PBX1: variants seen among roughly 807,000 people sequenced by gnomAD.
The protein encoded by PBX1 is pre-B-cell leukemia transcription factor 1.
A neutral mutation model predicts 53.4 loss-of-function variants in PBX1; 6 were observed. The observed-to-expected ratio is 0.11, with a 90% CI of 0.06 to 0.22. PBX1 has a LOEUF of 0.22. Ranked by LOEUF, PBX1 falls within the 10% of genes least tolerant of loss-of-function variation. The pLI, the probability that PBX1 is intolerant of heterozygous loss-of-function variation, is 1.00. For synonymous variants in PBX1, 204 were observed against 212.3 expected (o/e 0.96, Z 0.34); for missense variants, 251 against 551.4 (o/e 0.46, Z 5.46).
At chr1:164,728,330 AAGAG>A (rs551533075) in intron 2 of PBX1, among the ~76,000 whole-genome samples, 3,314 of 149,390 alleles carry the variant, frequency 0.022, 91 homozygotes, top group African/African-American at 0.077. Context: ...AAAAAAAAAA[AAGAG>A]AGAGAGAGAG....
chr1:164,789,941 A>G (rs755422033), intron 2 of PBX1, among the ~76,000 whole-genome samples: 2 of 151,776 alleles, frequency 1.3e-5, no homozygotes, highest in East Asian at 1.9e-4. Flanking sequence ...TGAAACAACT[A>G]TATTTATTAA....
intron 2 of PBX1, among the ~76,000 whole-genome samples, chr1:164,713,878 C>T (rs1188933434): frequency 2.0e-5 from 3 of 152,184 alleles, no homozygotes; most frequent in South Asian, 2.1e-4. Flanking sequence ...AATGATATGT[C>T]GAAGCAGGAA....
At chr1:164,680,670 T>C (rs536259000) in intron 2 of PBX1, 1 of 152,362 alleles carries the variant, frequency 6.6e-6, no homozygotes, top group Non-Finnish European at 1.5e-5. Context: ...AGCTAGGCTA[T>C]TGTATACATC....
intron 2 of PBX1, among the ~76,000 whole-genome samples, chr1:164,737,823 C>G (rs116335885): frequency 0.011 from 1,721 of 152,198 alleles, 31 homozygotes; most frequent in African/African-American, 0.038. Flanking sequence ...GTCACAATCC[C>G]AATAAAGACA....
chr1:164,744,663 C>T (rs183130033), intron 2 of PBX1, among the ~76,000 whole-genome samples: 1 of 152,286 alleles, frequency 6.6e-6, no homozygotes. Flanking sequence ...TAATTTCTCC[C>T]CACTTTCCCA....
intron 2 of PBX1, among the ~76,000 whole-genome samples, chr1:164,686,654 C>T (rs1662114688): frequency 6.6e-6 from 1 of 152,146 alleles, no homozygotes; most frequent in Non-Finnish European, 1.5e-5. Context: ...TCCTGCTCTC[C>T]TAGGCATGGG....
At chr1:164,672,143 G>C (rs1305947965) in intron 2 of PBX1, among the ~76,000 whole-genome samples, 2 of 151,566 alleles carry the variant, frequency 1.3e-5, no homozygotes, top group Non-Finnish European at 2.9e-5. Context: ...CAGTCATGGA[G>C]AGTGATTTCT....
intron 2 of PBX1, among the ~76,000 whole-genome samples, chr1:164,625,355 G>A (rs1571094372): frequency 6.6e-6 from 1 of 152,086 alleles, no homozygotes; most frequent in East Asian, 1.9e-4. Flanking sequence ...TCGGCAATGA[G>A]GTACATTTGT....
At chr1:164,655,104 T>G (rs1376907684) in intron 2 of PBX1, among the ~76,000 whole-genome samples, 7 of 149,506 alleles carry the variant, frequency 4.7e-5, no homozygotes, top group Admixed American at 6.7e-5. Context: ...ATGTGTGTTT[T>G]TTTTTTTTTT....
chr1:164,885,118 G>A (rs1218350070), intron 2 of PBX1, among the ~76,000 whole-genome samples: 2 of 152,180 alleles, frequency 1.3e-5, no homozygotes, highest in Non-Finnish European at 2.9e-5. Flanking sequence ...TGATGTGGGA[G>A]TTAGAGATAT....
At chr1:164,745,673 A>T (rs1665855547) in intron 2 of PBX1, among the ~76,000 whole-genome samples, 1 of 152,214 alleles carries the variant, frequency 6.6e-6, no homozygotes, top group Admixed American at 6.5e-5. Flanking sequence ...GCTGGGCTAA[A>T]GCTTCTAAGC....
At chr1:164,606,123 T>A (rs1656530830) in intron 2 of PBX1, among the ~76,000 whole-genome samples, 1 of 152,224 alleles carries the variant, frequency 6.6e-6, no homozygotes, top group Non-Finnish European at 1.5e-5. Context: ...AAAAATTCTT[T>A]CATTATTCAA....
At chr1:164,590,958 CT>C (rs1655330677) in intron 2 of PBX1, among the ~76,000 whole-genome samples, 1 of 151,876 alleles carries the variant, frequency 6.6e-6, no homozygotes, top group South Asian at 2.1e-4. Context: ...GATTCTCCTT[CT>C]TCAGCCTCGT....
At chr1:164,823,043 A>C (rs1012495455) in intron 8 of PBX1, among the ~76,000 whole-genome samples, 2 of 152,142 alleles carry the variant, frequency 1.3e-5, no homozygotes, top group Non-Finnish European at 2.9e-5. Context: ...TACCTTTTTC[A>C]GGCAGAATCT....
chr1:164,808,946 C>T (rs146919443), intron 5 of PBX1, among the ~76,000 whole-genome samples: 39 of 152,238 alleles, frequency 2.6e-4, no homozygotes, highest in East Asian at 7.7e-4. Context: ...GGAACGTCAG[C>T]GGTCAAACTC....
Position 164,559,318 on chromosome 1 carries a change from T to C in PBX1, c.-505T>C. 1 of 145,874 alleles carries C rather than the reference T, an allele frequency of 6.9e-6. No homozygotes were observed. Among genetic ancestry groups the C allele is most frequent in the Non-Finnish European group, 1.3e-5 (1 of 76,230 alleles). The allele number at this position is 145,874 out of a possible 1,614,324, so 9.0% of individuals were successfully genotyped here. On this transcript the variant is annotated 5_prime_UTR_variant, in exon 1 of 9. Transcript: ENST00000420696. ...CAGCCCACCCCCTTTGAGATCACTC[T>C]GGCCCGGAGTGGGGGTGGGGGGCAG...
chr1:164,595,309 C>CCATGG (rs1270990649), intron 2 of PBX1, among the ~76,000 whole-genome samples: 7 of 152,178 alleles, frequency 4.6e-5, no homozygotes, highest in African/African-American at 1.7e-4. Context: ...AAGCCGTGAT[C>CCATGG]AGAGCCCTTG....
chr1:164,863,614 G>A (rs945453177), intron 2 of PBX1, among the ~76,000 whole-genome samples: 2 of 152,166 alleles, frequency 1.3e-5, no homozygotes, highest in African/African-American at 2.4e-5. Flanking sequence ...ATTTGTCAAC[G>A]GGGTCAACAA....
chr1:164,663,925 A>G (rs950374091), intron 2 of PBX1, among the ~76,000 whole-genome samples: 3 of 152,214 alleles, frequency 2.0e-5, no homozygotes, highest in Non-Finnish European at 4.4e-5. Flanking sequence ...GTGGGAATCC[A>G]AGCACCTGCT....
Sources: gnomAD v4.1 joint callset for allele counts (sites outside exome capture counted in the v4.1 genomes callset) on GRCh38, gnomAD v4.1.1 for gene constraint, MANE v1.5 for transcripts, NCBI Gene and HGNC (gene_info 2026-07-23, HGNC 2026-07-21) for gene names.